Variants in DIAPH2 observed in about 807,000 individuals in gnomAD.
The protein encoded by DIAPH2 is diaphanous related formin 2.
In DIAPH2, 35 loss-of-function variants were observed where a neutral mutation model predicts 92.7. The ratio of observed to expected loss-of-function variants is 0.38; its 90% confidence interval spans 0.29 to 0.50. The LOEUF (loss-of-function observed/expected upper bound fraction) is 0.50, where lower values mean the gene tolerates loss of function less well. DIAPH2 is among the 20% of genes least tolerant of loss of function. DIAPH2 has a pLI of 0.94. For missense variants in DIAPH2, 701 were observed against 819.5 expected (o/e 0.86, Z 1.77); for synonymous variants, 301 against 280.4 (o/e 1.07, Z -0.73).
chrX:97,021,538 C>T (rs1298225417), intron 17 of DIAPH2, among the ~76,000 whole-genome samples: 1 of 111,078 alleles, frequency 9.0e-6, no homozygotes, highest in Non-Finnish European at 1.9e-5. Context: ...TTGAGAGCTT[C>T]GAGTAATGTG....
At chrX:97,215,146 T>C (rs1012881518) in intron 22 of DIAPH2, among the ~76,000 whole-genome samples, 6 of 111,463 alleles carry the variant, frequency 5.4e-5, no homozygotes, top group Non-Finnish European at 1.1e-4. Context: ...ATAAAGGAAA[T>C]ATAATGATCT....
intron 16 of DIAPH2, among the ~76,000 whole-genome samples, chrX:96,962,390 TACAC>T (rs1207702893): frequency 2.9e-5 from 2 of 69,797 alleles, no homozygotes; most frequent in African/African-American, 6.3e-5. Flanking sequence ...CACATATATA[TACAC>T]ATATATATAC....
intron 1 of DIAPH2, among the ~76,000 whole-genome samples, chrX:96,721,512 C>G: frequency 8.9e-6 from 1 of 112,289 alleles, no homozygotes; most frequent in South Asian, 3.7e-4. Flanking sequence ...GCTTTATACA[C>G]AAGCTAAGTT....
At chrX:96,832,138 T>C in intron 4 of DIAPH2, among the ~76,000 whole-genome samples, 1 of 111,818 alleles carries the variant, frequency 8.9e-6, no homozygotes, top group Non-Finnish European at 1.9e-5. Context: ...TTCAAAGATG[T>C]GTGTGTACTT....
intron 22 of DIAPH2, among the ~76,000 whole-genome samples, chrX:97,171,657 C>T (rs2067454510): frequency 1.8e-5 from 2 of 111,834 alleles, no homozygotes; most frequent in East Asian, 2.8e-4. Flanking sequence ...AGAAACTTTC[C>T]GGGCTGGGCG....
chrX:96,706,581 G>A (rs1165312763), intron 1 of DIAPH2, among the ~76,000 whole-genome samples: 2 of 112,022 alleles, frequency 1.8e-5, no homozygotes, highest in African/African-American at 6.5e-5. Context: ...AGAGATGAAA[G>A]TAGGTGGGAA....
chrX:96,825,716 C>T (rs951782563), intron 4 of DIAPH2, among the ~76,000 whole-genome samples: 3 of 111,280 alleles, frequency 2.7e-5, no homozygotes, highest in Non-Finnish European at 5.7e-5. Flanking sequence ...TCTAGTCACT[C>T]CTCATCTGCC....
At chrX:96,747,017 A>C (rs767706042) in intron 3 of DIAPH2, among the ~76,000 whole-genome samples, 1 of 111,871 alleles carries the variant, frequency 8.9e-6, no homozygotes, top group Non-Finnish European at 1.9e-5. Flanking sequence ...CAATATTTTA[A>C]GTTGTCATAA....
In DIAPH2 at chrX:97,095,107, T is replaced by C. The variant is rs1020883679; in HGVS notation, c.2248-4587T>C. Among the ~76,000 whole-genome samples, 4 of 53,075 alleles carry C rather than the reference T, an allele frequency of 7.5e-5. 1 individual carries two copies. The highest frequency in any genetic ancestry group is 2.8e-4 in the African/African-American group (4 of 14,152). The allele number at this position is 53,075 out of a possible 115,157, so 46.1% of individuals were successfully genotyped here. A position where few individuals can be genotyped will look rare whatever the true frequency, so the allele number is the denominator to read the frequency against. On this transcript the variant is annotated intron_variant, in intron 19 of 26. Coordinates refer to ENST00000324765, the MANE Select transcript of DIAPH2 (RefSeq NM_006729.5). Reference sequence around the variant, plus strand: ...GGAAATGTTTCTTTTTCTTTTTTTTTTTTTTTTTTTTTTTTTTTTTTTTTT... The same window carrying C: ...GGAAATGTTTCTTTTTCTTTTTTTTCTTTTTTTTTTTTTTTTTTTTTTTTT...
At position 96,846,822 on chromosome X, in the gene DIAPH2, T is replaced by C. The variant is rs1432366069; in HGVS notation, c.448-34757T>C. ...GATCTTTTGGTCCTGTGTTTCAAAG[T>C]ACATTGTGAATTTTGACTGAAATCA... On this transcript the variant is annotated intron_variant, in intron 4 of 26. Coordinates refer to ENST00000324765, the MANE Select transcript of DIAPH2 (RefSeq NM_006729.5). 1.9e-4 allele frequency among the ~76,000 whole-genome samples: 21 copies of C among 109,745 alleles called. 1 individual carries two copies. Among genetic ancestry groups the C allele is most frequent in the Non-Finnish European group, 3.6e-4 (19 of 52,606 alleles).
intron 17 of DIAPH2, among the ~76,000 whole-genome samples, chrX:97,021,768 C>G (rs2066299940): frequency 8.9e-6 from 1 of 111,758 alleles, no homozygotes; most frequent in Non-Finnish European, 1.9e-5. Flanking sequence ...GAAACACGCT[C>G]TGAGGCTTGG....
At chrX:96,883,004 A>T (rs925170841) in intron 5 of DIAPH2, among the ~76,000 whole-genome samples, 4 of 102,532 alleles carry the variant, frequency 3.9e-5, no homozygotes, top group African/African-American at 1.4e-4. Flanking sequence ...AAAATCCGGG[A>T]TCTATTTATG....
intron 13 of DIAPH2, among the ~76,000 whole-genome samples, chrX:96,945,241 G>A (rs1006790362): frequency 3.6e-5 from 4 of 111,141 alleles, no homozygotes; most frequent in Non-Finnish European, 7.6e-5. Flanking sequence ...GGATTCTGAA[G>A]TGTTTTGTAG....
At chrX:97,275,803 C>T (rs1379440218) in intron 23 of DIAPH2, among the ~76,000 whole-genome samples, 7 of 109,026 alleles carry the variant, frequency 6.4e-5, no homozygotes, top group Admixed American at 4.9e-4. Flanking sequence ...ACTGGGCAGC[C>T]GGGCAGAGGG....
intron 5 of DIAPH2, among the ~76,000 whole-genome samples, chrX:96,886,849 C>T (rs2065265466): frequency 9.1e-6 from 1 of 110,378 alleles, no homozygotes; most frequent in Non-Finnish European, 1.9e-5. Context: ...ATTCAGCTGG[C>T]CAGTGGATGC....
chrX:97,554,758 T>G (rs1199980482), intron 26 of DIAPH2, among the ~76,000 whole-genome samples: 1 of 112,171 alleles, frequency 8.9e-6, no homozygotes, highest in African/African-American at 3.2e-5. Context: ...ATAATCAGAT[T>G]ATATGTTTCC....
chrX:97,557,872 T>C (rs1710477233), intron 26 of DIAPH2, among the ~76,000 whole-genome samples: 1 of 111,928 alleles, frequency 8.9e-6, no homozygotes. Flanking sequence ...ATATCAACTG[T>C]ATGTAAATTG....
intron 20 of DIAPH2, among the ~76,000 whole-genome samples, chrX:97,109,269 A>C (rs1178063965): frequency 9.1e-6 from 1 of 110,191 alleles, no homozygotes; most frequent in Non-Finnish European, 1.9e-5. Context: ...AAAAATACAA[A>C]ACTTAGCCAG....
chrX:96,904,674 C>T (rs750789597), intron 5 of DIAPH2, among the ~76,000 whole-genome samples: 1 of 111,403 alleles, frequency 9.0e-6, no homozygotes, highest in Non-Finnish European at 1.9e-5. Flanking sequence ...ATATGTGATA[C>T]TGTTTATGTT....
Sources: allele counts gnomAD v4.1 joint callset (sites outside exome capture counted in the v4.1 genomes callset), GRCh38; gene constraint gnomAD v4.1.1; transcripts MANE v1.5; gene names NCBI Gene and HGNC (gene_info 2026-07-23, HGNC 2026-07-21).